Variants in KCNIP1 observed in about 807,000 individuals in gnomAD.
The protein encoded by KCNIP1 is potassium voltage-gated channel interacting protein 1, also known as A-type potassium channel modulatory protein KCNIP1.
Under a neutral mutation model 33.0 loss-of-function variants are expected in KCNIP1, and 18 were observed. The ratio of observed to expected loss-of-function variants is 0.55; its 90% CI spans 0.38 to 0.81. KCNIP1 has a LOEUF of 0.81. KCNIP1 is among the 30% of genes least tolerant of loss of function. The pLI is 0.00. For missense variants in KCNIP1, 238 were observed against 271.6 expected, an observed-to-expected ratio of 0.88 and a Z score of 0.87; for synonymous variants, 93 against 98.3, an observed-to-expected ratio of 0.95 and a Z score of 0.32.
At chr5:170,586,707 A>G (rs1758002946) in intron 1 of KCNIP1, among the ~76,000 whole-genome samples, 2 of 152,342 alleles carry the variant, frequency 1.3e-5, no homozygotes, top group South Asian at 4.1e-4. Context: ...TTCGATTCAC[A>G]GTGGATATTG....
At chr5:170,415,771 G>A (rs1284494430) in intron 1 of KCNIP1, among the ~76,000 whole-genome samples, 1 of 152,118 alleles carries the variant, frequency 6.6e-6, no homozygotes, top group Non-Finnish European at 1.5e-5. Flanking sequence ...CTATCCCTGG[G>A]GCCCAGAAGT....
In KCNIP1 at chr5:170,398,641, CCT is replaced by C. The variant is rs370855734; in HGVS notation, c.88+44678_88+44679del. ...TGTGATCAGGAATAAATAAGAAGCC[CCT>C]GTTTTAGACCATTCTAACTGTCCTT... On this transcript the variant is annotated intron_variant, in intron 1 of 7. Transcript: ENST00000377360. Among the ~76,000 whole-genome samples, 11 of 152,188 alleles carry C rather than the reference CCT, an allele frequency of 7.2e-5. No individual in the cohort carries two copies. The South Asian group carries it at 1.7e-3, about 23-fold the overall frequency.
At chr5:170,553,765 G>C (rs529589830) in intron 1 of KCNIP1, among the ~76,000 whole-genome samples, 18 of 152,366 alleles carry the variant, frequency 1.2e-4, no homozygotes, top group African/African-American at 4.3e-4. Flanking sequence ...AACCTCAGAT[G>C]CCTATCTTGT....
intron 1 of KCNIP1, among the ~76,000 whole-genome samples, chr5:170,354,398 G>A (rs1340103287): frequency 6.6e-6 from 1 of 152,222 alleles, no homozygotes; most frequent in Non-Finnish European, 1.5e-5. Context: ...GGGAGGTGGT[G>A]ATGGGCCGGC....
At chr5:170,643,808 G>A (rs1760676581) in intron 1 of KCNIP1, among the ~76,000 whole-genome samples, 1 of 152,216 alleles carries the variant, frequency 6.6e-6, no homozygotes, top group South Asian at 2.1e-4. Context: ...CTGGCTGGGG[G>A]ACCATGGGTC....
intron 1 of KCNIP1, among the ~76,000 whole-genome samples, chr5:170,636,906 A>C (rs115601147): frequency 0.02 from 3,113 of 152,218 alleles, 87 homozygotes; most frequent in African/African-American, 0.069. Flanking sequence ...AACCTCCTCA[A>C]GGTCATGGCT....
At chr5:170,479,289 G>A (rs2113159070) in intron 1 of KCNIP1, among the ~76,000 whole-genome samples, 1 of 152,292 alleles carries the variant, frequency 6.6e-6, no homozygotes, top group South Asian at 2.1e-4. Context: ...GAGAAAACTG[G>A]GGGAGAGGTT....
rs763897144 is a variant in KCNIP1, at chr5:170,718,868, C to T, written c.172C>T (p.Arg58Ter). ...CAAGAGGGAGCTGCAGGTCCTTTATCGAGGCTTCAAAAATGTAAGACCCGT... is the reference window on the plus strand; with the variant it reads ...CAAGAGGGAGCTGCAGGTCCTTTATTGAGGCTTCAAAAATGTAAGACCCGT... ...FTKRELQVLYRGFKNECPSGV... is the reference protein window; with the variant it reads ...FTKRELQVLY Residue 58 changes from arginine to a stop codon, truncating the protein, a stop_gained, in exon 2 of 8, where the codon CGA becomes TGA. Transcript: ENST00000328939. LOFTEE classifies it high-confidence loss of function. 4.3e-6 allele frequency: 7 copies of T among 1,609,910 alleles called. No homozygotes were observed. Among genetic ancestry groups the T allele is most frequent in the Non-Finnish European group, 3.4e-6 (4 of 1,178,734 alleles).
chr5:170,662,408 C>T (rs961448658), intron 1 of KCNIP1, among the ~76,000 whole-genome samples: 1 of 152,184 alleles, frequency 6.6e-6, no homozygotes, highest in Non-Finnish European at 1.5e-5. Context: ...CCTGAGTCCA[C>T]CAAAGCATCC....
At chr5:170,597,852 G>A (rs972225016) in intron 1 of KCNIP1, among the ~76,000 whole-genome samples, 3 of 141,034 alleles carry the variant, frequency 2.1e-5, no homozygotes, top group Non-Finnish European at 4.7e-5. Context: ...AGAAAAGAGA[G>A]AGAGAGAAAG....
intron 1 of KCNIP1, among the ~76,000 whole-genome samples, chr5:170,693,354 AC>A (rs1249715986): frequency 6.6e-6 from 1 of 152,176 alleles, no homozygotes; most frequent in African/African-American, 2.4e-5. Flanking sequence ...CCCTCCTCAC[AC>A]AGGAATAGAT....
intron 1 of KCNIP1, among the ~76,000 whole-genome samples, chr5:170,361,415 C>T (rs1472695827): frequency 6.6e-6 from 1 of 152,178 alleles, no homozygotes; most frequent in Admixed American, 6.5e-5. Flanking sequence ...AGCCTTCCTT[C>T]TCTGTTAGGA....
intron 2 of KCNIP1, 43 bp downstream of exon 2, chr5:170,718,925 C>G: frequency 6.3e-7 from 1 of 1,590,486 alleles, no homozygotes. Context: ...GGGGTTCCCA[C>G]GTGAGGCTAC....
intron 1 of KCNIP1, among the ~76,000 whole-genome samples, chr5:170,710,638 A>C (rs1193756622): frequency 6.6e-6 from 1 of 152,230 alleles, no homozygotes; most frequent in Non-Finnish European, 1.5e-5. Flanking sequence ...GTTTTCATGC[A>C]GGCTGCCTTG....
intron 1 of KCNIP1, among the ~76,000 whole-genome samples, chr5:170,424,018 G>C (rs1031032583): frequency 6.6e-6 from 1 of 152,226 alleles, no homozygotes; most frequent in Non-Finnish European, 1.5e-5. Context: ...TTGTTTGCAT[G>C]ATGATTTTAA....
intron 1 of KCNIP1, among the ~76,000 whole-genome samples, chr5:170,715,170 A>G (rs559029106): frequency 2.0e-5 from 3 of 152,364 alleles, no homozygotes; most frequent in Non-Finnish European, 4.4e-5. Flanking sequence ...TGCCTACAGT[A>G]TTCAGTACAA....
intron 1 of KCNIP1, among the ~76,000 whole-genome samples, chr5:170,592,763 A>G (rs1244953683): frequency 1.1e-4 from 16 of 152,338 alleles, no homozygotes; most frequent in Middle Eastern, 3.4e-3. Context: ...GAGAAAATAA[A>G]TTCTCAGTGG....
intron 1 of KCNIP1, among the ~76,000 whole-genome samples, chr5:170,366,473 G>T (rs1763663704): frequency 6.6e-6 from 1 of 152,212 alleles, no homozygotes; most frequent in African/African-American, 2.4e-5. Flanking sequence ...GTGCCTGCTG[G>T]CCTGTCTCAC....
At chr5:170,733,975 G>A (rs1011538592) in intron 7 of KCNIP1, 77 bp downstream of exon 7, 34 of 1,239,764 alleles carry the variant, frequency 2.7e-5, no homozygotes, top group Non-Finnish European at 3.9e-5. Flanking sequence ...GCAGAAGGAA[G>A]GTGATGAGAA....
Sources: gnomAD v4.1 joint callset for allele counts (sites outside exome capture counted in the v4.1 genomes callset) on GRCh38, gnomAD v4.1.1 for gene constraint, MANE v1.5 for transcripts, NCBI Gene and HGNC (gene_info 2026-07-23, HGNC 2026-07-21) for gene names.